Variants in ADAM23 observed in about 807,000 individuals in gnomAD.
ADAM23 encodes the protein ADAM metallopeptidase domain 23.
ADAM23 carries 33 observed loss-of-function variants against 120.1 expected under a neutral mutation model. The observed-to-expected ratio is 0.27, with a 90% CI of 0.21 to 0.37. ADAM23 has a LOEUF of 0.37. Ranked by LOEUF, ADAM23 falls within the 10% of genes least tolerant of loss-of-function variation. The pLI, the probability that ADAM23 is intolerant of heterozygous loss-of-function variation, is 1.00. For missense variants in ADAM23, 862 were observed against 1,058.2 expected (o/e 0.81, Z 2.57); for synonymous variants, 367 against 375.2 (o/e 0.98, Z 0.25).
intron 24 of ADAM23, among the ~76,000 whole-genome samples, chr2:206,600,188 T>G (rs755342032): frequency 6.4e-4 from 97 of 152,074 alleles, no homozygotes; most frequent in Non-Finnish European, 1.1e-3. Context: ...GGCAACAGAG[T>G]GAGACACTGT....
intron 25 of ADAM23, among the ~76,000 whole-genome samples, chr2:206,616,378 G>A (rs1698935218): frequency 6.6e-6 from 1 of 152,204 alleles, no homozygotes; most frequent in African/African-American, 2.4e-5. Flanking sequence ...ATGGTTACCT[G>A]CTAGGCCAAT....
chr2:206,542,225 G>A (rs1415046146), intron 5 of ADAM23, 91 bp downstream of exon 5: 4 of 1,305,934 alleles, frequency 3.1e-6, no homozygotes, highest in Non-Finnish European at 4.4e-6. Flanking sequence ...TTCCGTGCCA[G>A]TGCTGTGTTA....
At chr2:206,558,074 C>A (rs1055468928) in intron 10 of ADAM23, among the ~76,000 whole-genome samples, 1 of 152,114 alleles carries the variant, frequency 6.6e-6, no homozygotes, top group Non-Finnish European at 1.5e-5. Context: ...AGACTTCTAA[C>A]TGTACAAATC....
intron 3 of ADAM23, among the ~76,000 whole-genome samples, chr2:206,523,672 T>A (rs183545242): frequency 6.6e-6 from 1 of 152,288 alleles, no homozygotes; most frequent in Admixed American, 6.5e-5. Context: ...GAAAAATTGT[T>A]ATACTTTTAA....
At position 206,591,912 on chromosome 2, in the gene ADAM23, G is replaced by A. The variant is rs562138815; in HGVS notation, c.1959-705G>A. On this transcript the variant is annotated intron_variant, in intron 21 of 25. Coordinates refer to ENST00000264377, the MANE Select transcript of ADAM23 (RefSeq NM_003812.4). ...TTCCCCAGATTACAAGTGGAATCTA[G>A]CACATTTTTGTACATTTGTTGGACA... is the stretch of plus-strand genomic sequence containing the variant. 9.2e-4 allele frequency among the ~76,000 whole-genome samples: 140 copies of A among 152,270 alleles called. 1 individual carries two copies. Among genetic ancestry groups the A allele is most frequent in the African/African-American group, 3.3e-3 (136 of 41,556 alleles).
intron 24 of ADAM23, among the ~76,000 whole-genome samples, chr2:206,598,936 G>A (rs1380620006): frequency 6.6e-6 from 1 of 151,086 alleles, no homozygotes; most frequent in Non-Finnish European, 1.5e-5. Flanking sequence ...CAGGCACGGT[G>A]GCTTACACCT....
At chr2:206,470,325 G>C (rs563091789) in intron 2 of ADAM23, among the ~76,000 whole-genome samples, 1 of 152,080 alleles carries the variant, frequency 6.6e-6, no homozygotes, top group Non-Finnish European at 1.5e-5. Context: ...AAAAAATGGA[G>C]TTTTAATAGG....
In ADAM23 at chr2:206,617,601, G is replaced by A. The variant is rs924943482; in HGVS notation, c.2473G>A (p.Asp825Asn). ...AAGAAATGTCAAGAAGAGAAGGTTC[G>A]ATCCTACTCAGCAAGGCCCCATCTG... ...GFKNVKKRRF[D>N]PTQQGPI Residue 825 changes from aspartate (D) to asparagine (N), a missense_variant, in exon 26 of 26, where the codon GAT (aspartate) becomes AAT (asparagine). Physicochemically the swap from Asp to Asn is conservative, Grantham distance 23. Coordinates refer to ENST00000264377, the MANE Select transcript of ADAM23 (RefSeq NM_003812.4). 6.2e-6 allele frequency: 10 copies of A among 1,610,946 alleles called. No individual in the cohort carries two copies. Among genetic ancestry groups the A allele is most frequent in the Admixed American group, 3.3e-5 (2 of 59,718 alleles).
intron 2 of ADAM23, among the ~76,000 whole-genome samples, chr2:206,446,936 T>C (rs1695093433): frequency 6.6e-6 from 1 of 152,218 alleles, no homozygotes; most frequent in Admixed American, 6.5e-5. Context: ...TTTATAGCTT[T>C]CCTTATGAAT....
intron 2 of ADAM23, among the ~76,000 whole-genome samples, chr2:206,473,810 C>T (rs985235833): frequency 1.3e-5 from 2 of 151,362 alleles, no homozygotes; most frequent in Admixed American, 1.3e-4. Flanking sequence ...GAGTTTGTGA[C>T]CAGCCTGGAC....
At chr2:206,597,705 G>GT (rs1273552179) in intron 24 of ADAM23, among the ~76,000 whole-genome samples, 2 of 152,258 alleles carry the variant, frequency 1.3e-5, no homozygotes, top group African/African-American at 2.4e-5. Flanking sequence ...ACTGCTAACA[G>GT]TTTTTTTGTA....
At chr2:206,583,315 G>A (rs768440234) in intron 18 of ADAM23, among the ~76,000 whole-genome samples, 5 of 152,122 alleles carry the variant, frequency 3.3e-5, no homozygotes, top group Non-Finnish European at 7.4e-5. Context: ...TTAGCCGGGC[G>A]TGGTAACGAG....
chr2:206,500,698 G>T (rs981438098), intron 3 of ADAM23, among the ~76,000 whole-genome samples: 2 of 152,096 alleles, frequency 1.3e-5, no homozygotes, highest in African/African-American at 4.8e-5. Flanking sequence ...GTATCTTTGG[G>T]CTGTATCTAC....
At chr2:206,546,383 C>T (rs978694818) in intron 6 of ADAM23, among the ~76,000 whole-genome samples, 1 of 151,966 alleles carries the variant, frequency 6.6e-6, no homozygotes, top group Non-Finnish European at 1.5e-5. Flanking sequence ...GTATGCTTTG[C>T]GATAAGTCAA....
At chr2:206,459,659 T>C (rs946571316) in intron 2 of ADAM23, among the ~76,000 whole-genome samples, 11 of 152,204 alleles carry the variant, frequency 7.2e-5, no homozygotes, top group Middle Eastern at 3.2e-3. Flanking sequence ...ATTTAACCTA[T>C]ATCTCCACTT....
At chr2:206,610,290 A>G (rs1559288651) in intron 25 of ADAM23, among the ~76,000 whole-genome samples, 1 of 152,202 alleles carries the variant, frequency 6.6e-6, no homozygotes, top group Non-Finnish European at 1.5e-5. Context: ...ACTCTGAGAT[A>G]CATTCATTTC....
intron 13 of ADAM23, among the ~76,000 whole-genome samples, chr2:206,564,483 A>C (rs1477084979): frequency 6.6e-6 from 1 of 152,182 alleles, no homozygotes; most frequent in Admixed American, 6.5e-5. Context: ...CTGTTAGAAA[A>C]CTTCAGTGAT....
At chr2:206,486,186 A>G (rs913387537) in intron 3 of ADAM23, among the ~76,000 whole-genome samples, 11 of 152,116 alleles carry the variant, frequency 7.2e-5, no homozygotes, top group African/African-American at 2.4e-4. Flanking sequence ...TTTAGCCCCA[A>G]AGGTCTTAGT....
chr2:206,584,315 C>T (rs1050024446), intron 18 of ADAM23, among the ~76,000 whole-genome samples: 5 of 152,172 alleles, frequency 3.3e-5, no homozygotes, highest in Non-Finnish European at 5.9e-5. Context: ...GTCTAATGAT[C>T]TATTTTTGTG....
Sources: allele counts gnomAD v4.1 joint callset (sites outside exome capture counted in the v4.1 genomes callset), GRCh38; gene constraint gnomAD v4.1.1; transcripts MANE v1.5; gene names NCBI Gene and HGNC (gene_info 2026-07-23, HGNC 2026-07-21).